IKZF1: variants seen among roughly 807,000 people sequenced by gnomAD.
The protein encoded by IKZF1 is IKAROS family zinc finger 1.
A neutral mutation model predicts 51.7 loss-of-function variants in IKZF1; 10 were observed. That is an observed-to-expected ratio of 0.19 (90% CI 0.12 to 0.33). The LOEUF is 0.33. Ranked by LOEUF, IKZF1 falls within the 10% of genes least tolerant of loss-of-function variation. The pLI is 1.00. For missense variants in IKZF1, 484 were observed against 707.5 expected, an observed-to-expected ratio of 0.68 and a Z score of 3.58; for synonymous variants, 280 against 282.3, an observed-to-expected ratio of 0.99 and a Z score of 0.08.
At chr7:50,380,694 T>A (rs901293088) in intron 4 of IKZF1, among the ~76,000 whole-genome samples, 5 of 152,054 alleles carry the variant, frequency 3.3e-5, no homozygotes, top group African/African-American at 1.2e-4. Context: ...GCTGCCTGGG[T>A]CTCCCTGCAC....
At chr7:50,355,790 C>T (rs1803187562) in intron 3 of IKZF1, among the ~76,000 whole-genome samples, 1 of 152,188 alleles carries the variant, frequency 6.6e-6, no homozygotes, top group African/African-American at 2.4e-5. Context: ...GAAAGCGGTG[C>T]ATTCATTTAA....
At chr7:50,399,459 T>G (rs906234426) in intron 7 of IKZF1, among the ~76,000 whole-genome samples, 9 of 151,378 alleles carry the variant, frequency 5.9e-5, no homozygotes, top group Non-Finnish European at 1.2e-4. Context: ...TTGTATATAA[T>G]GAATAATAAT....
chr7:50,365,683 G>A (rs1806693247), intron 3 of IKZF1, among the ~76,000 whole-genome samples: 1 of 152,192 alleles, frequency 6.6e-6, no homozygotes, highest in South Asian at 2.1e-4. Context: ...ACACTGTTGA[G>A]GGGATTGTAA....
chr7:50,332,902 G>C (rs1479654555), intron 3 of IKZF1, among the ~76,000 whole-genome samples: 1 of 152,154 alleles, frequency 6.6e-6, no homozygotes, highest in Non-Finnish European at 1.5e-5. Context: ...AACTCCTGAA[G>C]TTGGGAGGGG....
In IKZF1 at chr7:50,400,646, C is replaced by A. The variant is rs1433009798; in HGVS notation, c.*19C>A. 6.3e-7 allele frequency: 1 copy of A among 1,589,734 alleles called. No individual in the cohort carries two copies. The highest frequency in any genetic ancestry group is 8.5e-7 in the Non-Finnish European group (1 of 1,173,842). On this transcript the variant is annotated 3_prime_UTR_variant, in exon 8 of 8. Coordinates refer to ENST00000331340, the MANE Select transcript of IKZF1 (RefSeq NM_006060.6). This position sits in a 1 kb window ranked among gnomAD's most constrained non-coding sequence, Gnocchi z 5.4. ...GAGCTAAAGCCCTCCCGCGCCCCCA[C>A]CCCAGACCCCGAGCCACCCCAGGAA...
chr7:50,394,783 G>A (rs1348765747), intron 7 of IKZF1, among the ~76,000 whole-genome samples: 3 of 152,174 alleles, frequency 2.0e-5, no homozygotes, highest in Non-Finnish European at 4.4e-5. Context: ...GTGTGAATAA[G>A]TATTTGTTTT....
chr7:50,356,474 G>A (rs978349259), intron 3 of IKZF1, among the ~76,000 whole-genome samples: 1 of 152,192 alleles, frequency 6.6e-6, no homozygotes, highest in Non-Finnish European at 1.5e-5. Context: ...TTGTGAGAGT[G>A]TGTGAGTGTG....
chr7:50,354,332 C>T (rs554391714), intron 3 of IKZF1, among the ~76,000 whole-genome samples: 1 of 152,310 alleles, frequency 6.6e-6, no homozygotes, highest in East Asian at 1.9e-4. Context: ...CACCAGAGCC[C>T]CCACTAGCCA....
chr7:50,319,021 A>G, intron 1 of IKZF1, 27 bp from the exon 2 acceptor site: 1 of 1,531,020 alleles, frequency 6.5e-7, no homozygotes, highest in South Asian at 1.1e-5. Flanking sequence ...TTTGCTTTAA[A>G]CTAAAATCCC....
intron 4 of IKZF1, among the ~76,000 whole-genome samples, chr7:50,378,546 TTAAA>T (rs1210813697): frequency 6.6e-6 from 1 of 152,256 alleles, no homozygotes; most frequent in African/African-American, 2.4e-5. Flanking sequence ...GAAAATTCTC[TTAAA>T]TAAATATTTG....
chr7:50,314,917 C>T (rs1022633251), intron 1 of IKZF1, among the ~76,000 whole-genome samples: 15 of 152,232 alleles, frequency 9.9e-5, no homozygotes, highest in African/African-American at 3.1e-4. Context: ...CCCAGTCCCG[C>T]CTCGGTGTGG....
At chr7:50,389,809 G>C (rs987260340) in intron 6 of IKZF1, among the ~76,000 whole-genome samples, 11 of 152,116 alleles carry the variant, frequency 7.2e-5, no homozygotes, top group African/African-American at 2.7e-4. Context: ...CAGCTGTGCT[G>C]TACCCGGATG....
At chr7:50,391,293 C>G (rs541275396) in intron 6 of IKZF1, among the ~76,000 whole-genome samples, 1 of 152,186 alleles carries the variant, frequency 6.6e-6, no homozygotes, top group African/African-American at 2.4e-5. Flanking sequence ...TTTGTATCTC[C>G]GTTCACTGTG....
intron 2 of IKZF1, among the ~76,000 whole-genome samples, chr7:50,320,340 G>A (rs116160330): frequency 1.3e-5 from 2 of 151,904 alleles, no homozygotes; most frequent in African/African-American, 4.8e-5. Flanking sequence ...AAATAATTGG[G>A]TACATAGTGA....
intron 3 of IKZF1, among the ~76,000 whole-genome samples, chr7:50,361,291 C>T (rs1805142393): frequency 6.6e-6 from 1 of 152,148 alleles, no homozygotes; most frequent in African/African-American, 2.4e-5. Flanking sequence ...GGGGTAATTT[C>T]TAGAGGTGCC....
intron 3 of IKZF1, among the ~76,000 whole-genome samples, chr7:50,349,787 C>G (rs1801358881): frequency 6.6e-6 from 1 of 152,118 alleles, no homozygotes; most frequent in Admixed American, 6.5e-5. Context: ...ATAGGAAGTA[C>G]CATCCTAGTG....
chr7:50,328,296 G>A (rs1006238152), intron 3 of IKZF1: 1 of 152,278 alleles, frequency 6.6e-6, no homozygotes, highest in Non-Finnish European at 1.5e-5. Flanking sequence ...AAAAGTGTGT[G>A]TGAAACCATC....
intron 3 of IKZF1, among the ~76,000 whole-genome samples, chr7:50,371,307 G>A (rs1231815719): frequency 6.6e-6 from 1 of 152,142 alleles, no homozygotes; most frequent in African/African-American, 2.4e-5. Context: ...GTATCAGCTG[G>A]TGTCATTGCC....
upstream of IKZF1, among the ~76,000 whole-genome samples, chr7:50,303,655 G>A (rs563949722): frequency 1.4e-3 from 214 of 152,190 alleles, no homozygotes; most frequent in African/African-American, 5.0e-3. The surrounding 1 kb of genome is among the most constrained non-coding windows in gnomAD (Gnocchi z 4.7). Context: ...GCCTGAACCC[G>A]GGAGCCAAGG....
Sources: gnomAD v4.1 joint callset for allele counts (sites outside exome capture counted in the v4.1 genomes callset) on GRCh38, gnomAD v4.1.1 for gene constraint, Gnocchi (gnomAD v3.1) non-coding constraint, MANE v1.5 for transcripts, NCBI Gene and HGNC (gene_info 2026-07-23, HGNC 2026-07-21) for gene names.